The following CDADC1 variants were observed in gnomAD, a reference collection of about 807,000 sequenced individuals.
The protein encoded by CDADC1 is cytidine and dCMP deaminase domain containing 1.
Under a neutral mutation model 54.9 loss-of-function variants are expected in CDADC1, and 39 were observed. The ratio of observed to expected loss-of-function variants is 0.71; its 90% CI spans 0.55 to 0.93. The LOEUF is 0.93. Ranked by LOEUF, CDADC1 falls within the 40% of genes least tolerant of loss-of-function variation. The probability of loss-of-function intolerance (pLI) is 0.00; values close to 1 mark genes in which losing one functional copy is unlikely to be tolerated. For missense variants in CDADC1, 518 were observed against 618.8 expected (o/e 0.84, Z 1.73); for synonymous variants, 186 against 204.0 (o/e 0.91, Z 0.75).
chr13:49,249,442 A>G (rs2138187531), intron 2 of CDADC1, among the ~76,000 whole-genome samples: 1 of 152,314 alleles, frequency 6.6e-6, no homozygotes, highest in East Asian at 1.9e-4. Context: ...ATCAAAACAG[A>G]TTAGAAATGG....
chr13:49,264,452 T>C (rs1952763799), intron 4 of CDADC1, among the ~76,000 whole-genome samples: 1 of 150,624 alleles, frequency 6.6e-6, no homozygotes, highest in Admixed American at 6.7e-5. Flanking sequence ...TCAGGCGCAG[T>C]GGCCCACACC....
intron 8 of CDADC1, 27 bp from the exon 9 acceptor site, chr13:49,286,195 A>G (rs555383356): frequency 1.9e-6 from 3 of 1,585,174 alleles, no homozygotes; most frequent in African/African-American, 1.3e-5. Context: ...CTCTTTAAAC[A>G]AGTAAAATGT....
intron 2 of CDADC1, among the ~76,000 whole-genome samples, chr13:49,253,991 C>T (rs999568185): frequency 2.0e-5 from 3 of 152,116 alleles, no homozygotes; most frequent in Non-Finnish European, 4.4e-5. Flanking sequence ...CCTGTGTGAC[C>T]ATGGTTGAAT....
intron 7 of CDADC1, 116 bp from the exon 8 acceptor site, chr13:49,280,393 A>T (rs1953286352): frequency 8.7e-6 from 4 of 458,168 alleles, no homozygotes; most frequent in Non-Finnish European, 1.1e-5. Flanking sequence ...ATCATTATTA[A>T]TAATGTCATA....
At position 49,292,777 on chromosome 13, in the gene CDADC1, G is replaced by C; in HGVS notation, c.*1020G>C. 6 of 1,280,798 alleles carry C rather than the reference G, an allele frequency of 4.7e-6. No individual in the cohort carries two copies. Among genetic ancestry groups the C allele is most frequent in the Non-Finnish European group, 6.1e-6 (6 of 985,068 alleles). The allele number at this position is 1,280,798 out of a possible 1,614,324, so 79.3% of individuals were successfully genotyped here. ...AAGGTACATTTTCTGTTCTCTCCTAGGTTAGAGAGGGGTGGCCTGGGGTGC... is the reference window on the plus strand; with the variant it reads ...AAGGTACATTTTCTGTTCTCTCCTACGTTAGAGAGGGGTGGCCTGGGGTGC... On this transcript the variant is annotated 3_prime_UTR_variant, in exon 10 of 10. Transcript: ENST00000251108.
intron 5 of CDADC1, among the ~76,000 whole-genome samples, chr13:49,272,060 A>T (rs1952978619): frequency 6.6e-6 from 1 of 150,886 alleles, no homozygotes; most frequent in South Asian, 2.1e-4. Flanking sequence ...GAAAAATCAC[A>T]TTTTTTTTTT....
chr13:49,282,698 T>G (rs990279551), intron 8 of CDADC1, among the ~76,000 whole-genome samples: 2 of 152,224 alleles, frequency 1.3e-5, no homozygotes, highest in African/African-American at 4.8e-5. Flanking sequence ...TTAAGAAGCT[T>G]CTTCTGTATT....
chr13:49,268,535 C>T (rs923990091), intron 5 of CDADC1, among the ~76,000 whole-genome samples: 8 of 151,960 alleles, frequency 5.3e-5, no homozygotes, highest in Admixed American at 4.6e-4. Context: ...TCTGGTGGTG[C>T]GTGCCTATAG....
chr13:49,269,469 T>G (rs1200104298), intron 5 of CDADC1, among the ~76,000 whole-genome samples: 1 of 152,156 alleles, frequency 6.6e-6, no homozygotes, highest in South Asian at 2.1e-4. Context: ...AATTGCTCAA[T>G]TCTTCTTAAA....
rs930543081 is a variant in CDADC1 at position 49,275,778 on chromosome 13, G to C, written c.1050+1438G>C. On this transcript the variant is annotated intron_variant, in intron 6 of 9. Transcript: ENST00000251108. The stretch of plus-strand genomic sequence containing the variant: ...AGAGAGAGAGAGAGAGAGAGAGAGA[G>C]AGAGAGAGAGAGAGAGAGTCTCACT... Among the ~76,000 whole-genome samples, 7 of 91,504 alleles carry C rather than the reference G, an allele frequency of 7.6e-5. No homozygotes were observed. In the South Asian group the frequency reaches 1.2e-3, roughly 15 times the overall value. 60.0% of individuals were successfully genotyped at this position (91,504 alleles called of 152,430 possible).
At chr13:49,265,757 C>A in intron 4 of CDADC1, 1 of 748,700 alleles carries the variant, frequency 1.3e-6, no homozygotes, top group Admixed American at 4.6e-5. Flanking sequence ...TTTTGGAGTC[C>A]TCAATAATTT....
intron 8 of CDADC1, among the ~76,000 whole-genome samples, chr13:49,280,995 G>A (rs565177165): frequency 1.3e-5 from 2 of 151,794 alleles, no homozygotes; most frequent in Admixed American, 6.6e-5. Context: ...CACCACGCCT[G>A]GCTAATTTTT....
At chr13:49,272,606 G>A (rs1331596671) in intron 5 of CDADC1, among the ~76,000 whole-genome samples, 1 of 151,738 alleles carries the variant, frequency 6.6e-6, no homozygotes, top group Non-Finnish European at 1.5e-5. Context: ...ACAGTACTTG[G>A]AACATAAGAG....
intron 4 of CDADC1, among the ~76,000 whole-genome samples, chr13:49,260,930 G>C (rs1464969846): frequency 6.6e-6 from 1 of 152,204 alleles, no homozygotes; most frequent in Non-Finnish European, 1.5e-5. Flanking sequence ...GCTTGATCTT[G>C]ATGCGTCATA....
chr13:49,252,643 A>G (rs2138192799), intron 2 of CDADC1, among the ~76,000 whole-genome samples: 1 of 152,338 alleles, frequency 6.6e-6, no homozygotes, highest in East Asian at 1.9e-4. Flanking sequence ...TATTTATTGT[A>G]CAAACATTAT....
intron 9 of CDADC1, among the ~76,000 whole-genome samples, chr13:49,287,223 C>G (rs540894725): frequency 2.0e-5 from 3 of 151,904 alleles, no homozygotes; most frequent in Non-Finnish European, 4.4e-5. Flanking sequence ...ACTATATTAT[C>G]GAATTATTTG....
intron 8 of CDADC1, among the ~76,000 whole-genome samples, chr13:49,283,242 T>A (rs1319665547): frequency 1.3e-5 from 2 of 152,150 alleles, no homozygotes; most frequent in African/African-American, 4.8e-5. Flanking sequence ...CCAGTGTCTG[T>A]CATGTGTATA....
At chr13:49,251,853 T>C (rs1952440827) in intron 2 of CDADC1, among the ~76,000 whole-genome samples, 2 of 142,776 alleles carry the variant, frequency 1.4e-5, no homozygotes, top group South Asian at 4.4e-4. Context: ...TGACTCTCAT[T>C]TTCTCCCAAG....
At chr13:49,263,769 A>G (rs1043357946) in intron 4 of CDADC1, among the ~76,000 whole-genome samples, 2 of 152,182 alleles carry the variant, frequency 1.3e-5, no homozygotes, top group African/African-American at 4.8e-5. Context: ...TTACAAAGCA[A>G]GTTACTTTAT....
Sources: allele counts gnomAD v4.1 joint callset (sites outside exome capture counted in the v4.1 genomes callset), GRCh38; gene constraint gnomAD v4.1.1; transcripts MANE v1.5; gene names NCBI Gene and HGNC (gene_info 2026-07-23, HGNC 2026-07-21).